ST8SIA6: variants seen among roughly 807,000 people sequenced by gnomAD.
ST8SIA6 encodes alpha-2,8-sialyltransferase 8F.
Under a neutral mutation model 33.6 loss-of-function variants are expected in ST8SIA6, and 39 were observed. The ratio of observed to expected loss-of-function variants is 1.16; its 90% CI spans 0.90 to 1.52. The LOEUF (loss-of-function observed/expected upper bound fraction) is 1.52. Ranked by LOEUF, ST8SIA6 falls within the 40% of genes most tolerant of loss-of-function variation. ST8SIA6 has a pLI of 0.00. For missense variants in ST8SIA6, 441 were observed against 443.8 expected (o/e 0.99, Z 0.06); for synonymous variants, 172 against 167.2 (o/e 1.03, Z -0.22).
intron 2 of ST8SIA6, among the ~76,000 whole-genome samples, chr10:17,444,906 G>A (rs560107556): frequency 3.3e-5 from 5 of 152,324 alleles, no homozygotes; most frequent in African/African-American, 1.2e-4. Flanking sequence ...CCATTTCAAA[G>A]CTTTTCAGAA....
At chr10:17,403,023 T>C (rs1017938090) in intron 2 of ST8SIA6, among the ~76,000 whole-genome samples, 1 of 152,168 alleles carries the variant, frequency 6.6e-6, no homozygotes, top group Non-Finnish European at 1.5e-5. Context: ...CCATGAACAC[T>C]ATCACTGCCC....
intron 3 of ST8SIA6, among the ~76,000 whole-genome samples, chr10:17,372,552 A>C (rs972362787): frequency 6.6e-6 from 1 of 152,230 alleles, no homozygotes; most frequent in African/African-American, 2.4e-5. Context: ...ACTCTGAAGA[A>C]ATATCGCAAG....
rs567847787 is a variant in ST8SIA6, at chr10:17,425,887, T to C, written c.200+27672A>G. Among the ~76,000 whole-genome samples the C allele has an allele frequency of 1.4e-4, 22 of 152,282 alleles. No homozygotes were observed. In the South Asian group the frequency reaches 4.6e-3, roughly 32 times the overall value. On this transcript the variant is annotated intron_variant, in intron 2 of 7. Transcript: ENST00000377602. Reference sequence around the variant, plus strand: ...ATCCAATATTATGCATGCTTTGACATCTGGGAAAAACTGTGAGGGCCTCAA... The same window carrying C: ...ATCCAATATTATGCATGCTTTGACACCTGGGAAAAACTGTGAGGGCCTCAA...
intron 5 of ST8SIA6, among the ~76,000 whole-genome samples, chr10:17,328,890 A>C (rs574105071): frequency 6.6e-6 from 1 of 152,286 alleles, no homozygotes; most frequent in East Asian, 1.9e-4. Flanking sequence ...TTTTTAAAGC[A>C]TTGGTAACTA....
intron 4 of ST8SIA6, among the ~76,000 whole-genome samples, chr10:17,334,298 G>C (rs1266480478): frequency 2.6e-5 from 4 of 151,482 alleles, no homozygotes; most frequent in African/African-American, 9.7e-5. Flanking sequence ...CCAGCACTTT[G>C]GGAGGCCGAG....
intron 2 of ST8SIA6, among the ~76,000 whole-genome samples, chr10:17,447,305 C>T (rs1025373046): frequency 2.0e-5 from 3 of 151,756 alleles, no homozygotes; most frequent in South Asian, 2.1e-4. Context: ...ACTGAGGAGG[C>T]GGAGGCAGGA....
intron 3 of ST8SIA6, among the ~76,000 whole-genome samples, chr10:17,386,746 GC>G (rs1850368903): frequency 6.6e-6 from 1 of 152,138 alleles, no homozygotes; most frequent in African/African-American, 2.4e-5. Flanking sequence ...AATGGCATCA[GC>G]CCCAAATGAG....
chr10:17,427,128 A>T (rs536210218), intron 2 of ST8SIA6, among the ~76,000 whole-genome samples: 2 of 151,242 alleles, frequency 1.3e-5, no homozygotes, highest in Non-Finnish European at 2.9e-5. Context: ...AGTTCTGTGC[A>T]TGAAAGGGGG....
chr10:17,383,797 T>C (rs1157165568), intron 3 of ST8SIA6, among the ~76,000 whole-genome samples: 1 of 152,202 alleles, frequency 6.6e-6, no homozygotes, highest in African/African-American at 2.4e-5. Flanking sequence ...ACTAAACCAA[T>C]CCTTTTGACT....
chr10:17,375,914 A>G (rs1232872484), intron 3 of ST8SIA6, among the ~76,000 whole-genome samples: 2 of 152,196 alleles, frequency 1.3e-5, no homozygotes, highest in East Asian at 3.9e-4. Flanking sequence ...GCCTATAATC[A>G]ATAGAATGAT....
chr10:17,392,418 T>C (rs1036983004), intron 2 of ST8SIA6, among the ~76,000 whole-genome samples: 1 of 152,114 alleles, frequency 6.6e-6, no homozygotes. Context: ...TCCCAGCACT[T>C]TGGGGAGCTG....
rs1848917749 is a variant in ST8SIA6 at position 17,348,308 on chromosome 10, A to G, written c.377+11206T>C. ...CTATGAAAACAGTTTTGTAATTATAATGCTGAATCAGTCTTATGTGTAATT... is the reference window on the plus strand; with the variant it reads ...CTATGAAAACAGTTTTGTAATTATAGTGCTGAATCAGTCTTATGTGTAATT... On this transcript the variant is annotated intron_variant, in intron 4 of 7. Transcript: ENST00000377602. Among the ~76,000 whole-genome samples, 3 of 151,756 alleles carry G rather than the reference A, an allele frequency of 2.0e-5. No individual in the cohort carries two copies. In the South Asian group the frequency reaches 6.2e-4, roughly 32 times the overall value.
rs995262997 is a variant in ST8SIA6, at chr10:17,316,952, A to G, written c.*3926T>C. On this transcript the variant is annotated 3_prime_UTR_variant, in exon 8 of 8. Transcript: ENST00000377602. ...CTGACTAGAACTCTTTCATTTTAAT[A>G]CAGTCATAGCCATCCTTTCTTAACC... Among the ~76,000 whole-genome samples the G allele has an allele frequency of 6.6e-6, 1 of 151,742 alleles. No homozygotes were observed. The highest frequency in any genetic ancestry group is 1.5e-5 in the Non-Finnish European group (1 of 68,018).
intron 3 of ST8SIA6, among the ~76,000 whole-genome samples, chr10:17,384,933 C>G (rs1431962942): frequency 6.6e-6 from 1 of 152,100 alleles, no homozygotes; most frequent in Non-Finnish European, 1.5e-5. Context: ...ACTTTCGGGA[C>G]CTACCCATCT....
At chr10:17,353,279 T>G (rs78194142) in intron 4 of ST8SIA6, among the ~76,000 whole-genome samples, 7 of 152,322 alleles carry the variant, frequency 4.6e-5, no homozygotes, top group Middle Eastern at 6.8e-3. Context: ...GTGGTAAAAC[T>G]AAGTGTGATT....
At chr10:17,333,717 A>ATATATATAGATTT (rs1251981910) in intron 4 of ST8SIA6, among the ~76,000 whole-genome samples, 1 of 33,754 alleles carries the variant, frequency 3.0e-5, no homozygotes. Context: ...ATATATATAT[A>ATATATATAGATTT]TTTTTTTTTT....
At chr10:17,423,788 A>G (rs1851851787) in intron 2 of ST8SIA6, among the ~76,000 whole-genome samples, 1 of 152,248 alleles carries the variant, frequency 6.6e-6, no homozygotes, top group South Asian at 2.1e-4. Context: ...TACATAGGCA[A>G]TAATCTCACA....
intron 2 of ST8SIA6, among the ~76,000 whole-genome samples, chr10:17,447,916 C>T (rs1269162275): frequency 6.6e-6 from 1 of 152,076 alleles, no homozygotes; most frequent in Non-Finnish European, 1.5e-5. Flanking sequence ...TCTCGTGCCT[C>T]AACCTCCTGA....
chr10:17,386,175 TCACACACACACACA>T (rs371809115), intron 3 of ST8SIA6, among the ~76,000 whole-genome samples: 1 of 150,078 alleles, frequency 6.7e-6, no homozygotes, highest in Non-Finnish European at 1.5e-5. Context: ...AGTGAGACTG[TCACACACACACACA>T]CACACACACA....
Sources: allele counts gnomAD v4.1 joint callset (sites outside exome capture counted in the v4.1 genomes callset), GRCh38; gene constraint gnomAD v4.1.1; transcripts MANE v1.5; gene names NCBI Gene and HGNC (gene_info 2026-07-23, HGNC 2026-07-21).